SLC12A8: variants seen among roughly 807,000 people sequenced by gnomAD.
SLC12A8 encodes the protein cation-chloride cotransporter 9.
In SLC12A8, 69 loss-of-function variants were observed where a neutral mutation model predicts 75.6. That is an observed-to-expected ratio of 0.91 (90% CI 0.75 to 1.11). SLC12A8 has a LOEUF of 1.11. Among genes scored for constraint, SLC12A8 ranks in the 50% most tolerant of loss-of-function variants. SLC12A8 has a pLI of 0.00. For missense variants in SLC12A8, 877 were observed against 896.7 expected (o/e 0.98, Z 0.28); for synonymous variants, 365 against 372.8 (o/e 0.98, Z 0.24).
intron 9 of SLC12A8, among the ~76,000 whole-genome samples, chr3:125,108,560 G>A (rs1024446542): frequency 6.6e-6 from 1 of 152,036 alleles, no homozygotes; most frequent in African/African-American, 2.4e-5. Context: ...GTAGAGACGT[G>A]GTTTTGCTAT....
intron 8 of SLC12A8, among the ~76,000 whole-genome samples, chr3:125,114,527 C>A (rs1268019615): frequency 6.6e-6 from 1 of 152,162 alleles, no homozygotes; most frequent in Non-Finnish European, 1.5e-5. Context: ...TGGGTTCTAG[C>A]GATTCTCTTG....
intron 6 of SLC12A8, among the ~76,000 whole-genome samples, chr3:125,131,989 C>A (rs1292691175): frequency 6.6e-6 from 1 of 152,176 alleles, no homozygotes; most frequent in East Asian, 1.9e-4. Context: ...ATAGGGTTCC[C>A]AATCTCAGAT....
chr3:125,122,639 T>A (rs894134699), intron 6 of SLC12A8, among the ~76,000 whole-genome samples: 1 of 152,176 alleles, frequency 6.6e-6, no homozygotes, highest in African/African-American at 2.4e-5. Context: ...GGCTGGACGT[T>A]TGCACCCCAA....
rs891984795 is a variant in SLC12A8 at position 125,160,080 on chromosome 3, C to A, written c.622+17663G>T. 1.5e-4 allele frequency among the ~76,000 whole-genome samples: 23 copies of A among 152,280 alleles called. No homozygotes were observed. In the Middle Eastern group the frequency reaches 0.01, roughly 68 times the overall value. On this transcript the variant is annotated intron_variant, in intron 5 of 13. Transcript: ENST00000469902. ...GCCTCAGCCTTCTGAGTACCTGAGA[C>A]AACAGGTGTGCACCACCATGTCCAG...
At chr3:125,127,400 G>C (rs1358746649) in intron 6 of SLC12A8, among the ~76,000 whole-genome samples, 1 of 152,198 alleles carries the variant, frequency 6.6e-6, no homozygotes. Flanking sequence ...AACATTATGT[G>C]TTCTCTCTTT....
intron 6 of SLC12A8, among the ~76,000 whole-genome samples, chr3:125,132,855 C>T (rs1933393928): frequency 6.6e-6 from 1 of 152,104 alleles, no homozygotes; most frequent in South Asian, 2.1e-4. Context: ...CAACATTGGA[C>T]AGGCAGGTGG....
At chr3:125,194,021 G>A (rs945139728) in intron 2 of SLC12A8, among the ~76,000 whole-genome samples, 2 of 152,110 alleles carry the variant, frequency 1.3e-5, no homozygotes, top group African/African-American at 4.8e-5. Context: ...AATGGGCTGG[G>A]GAAAAGGAAT....
intron 6 of SLC12A8, among the ~76,000 whole-genome samples, chr3:125,134,441 T>C (rs1236984272): frequency 6.6e-6 from 1 of 152,206 alleles, no homozygotes; most frequent in Non-Finnish European, 1.5e-5. Flanking sequence ...AGTGGTTTTC[T>C]ATTGTGTGGC....
rs1474455440 is a variant in SLC12A8, at chr3:125,110,458, G to A, written c.913-123C>T. The stretch of plus-strand genomic sequence containing the variant: ...ACTGAGTCGTCTAGATCTGATCCCT[G>A]GGATACAGTTTCCACATCCCCAGCC... On this transcript the variant is annotated intron_variant, in intron 8 of 13. Transcript: ENST00000469902. 9 of 902,112 alleles carry A rather than the reference G, an allele frequency of 1.0e-5. No homozygotes were observed. In the Admixed American group the frequency reaches 1.7e-4, roughly 17 times the overall value. The allele number at this position is 902,112 out of a possible 1,614,324, so 55.9% of individuals were successfully genotyped here.
intron 5 of SLC12A8, among the ~76,000 whole-genome samples, chr3:125,169,486 A>G (rs1294464124): frequency 6.6e-6 from 1 of 152,132 alleles, no homozygotes; most frequent in Admixed American, 6.5e-5. Context: ...AATGAGAGAC[A>G]AGACATAGAG....
At chr3:125,159,869 T>C (rs1469660279) in intron 5 of SLC12A8, among the ~76,000 whole-genome samples, 1 of 152,222 alleles carries the variant, frequency 6.6e-6, no homozygotes, top group East Asian at 1.9e-4. Context: ...TTTGACTCTA[T>C]GAACAGAAAG....
chr3:125,156,464 GT>G (rs1478551744), intron 5 of SLC12A8, among the ~76,000 whole-genome samples: 1 of 152,084 alleles, frequency 6.6e-6, no homozygotes, highest in African/African-American at 2.4e-5. Flanking sequence ...CCTTTTAAAT[GT>G]TTTCATCATT....
chr3:125,165,754 A>G (rs1246037047), intron 5 of SLC12A8, among the ~76,000 whole-genome samples: 1 of 152,140 alleles, frequency 6.6e-6, no homozygotes. Context: ...CTGAATACCT[A>G]TAATAGGCCA....
intron 2 of SLC12A8, among the ~76,000 whole-genome samples, chr3:125,208,824 A>AGAGAGAGAGAGC (rs144988140): frequency 0.14 from 17,474 of 124,996 alleles, 1,967 homozygotes; most frequent in Non-Finnish European, 0.21. Flanking sequence ...AGAGAGAGAG[A>AGAGAGAGAGAGC]GCTACCCTAT....
intron 6 of SLC12A8, chr3:125,125,975 T>C (rs986763562): frequency 1.1e-5 from 11 of 978,758 alleles, no homozygotes; most frequent in African/African-American, 1.8e-5. Flanking sequence ...CAGTGCTGGA[T>C]TGATGGCATT....
chr3:125,122,221 T>G (rs890834506), intron 6 of SLC12A8, among the ~76,000 whole-genome samples: 9 of 152,220 alleles, frequency 5.9e-5, no homozygotes, highest in African/African-American at 2.2e-4. Flanking sequence ...CTGGAACATG[T>G]TTTAAAACAT....
At chr3:125,141,055 G>A (rs758392627) in intron 5 of SLC12A8, among the ~76,000 whole-genome samples, 4 of 152,178 alleles carry the variant, frequency 2.6e-5, no homozygotes, top group East Asian at 1.9e-4. Flanking sequence ...CAGCTGCTGC[G>A]TGTGAATGGA....
intron 10 of SLC12A8, among the ~76,000 whole-genome samples, chr3:125,104,099 A>T (rs959588604): frequency 7.9e-5 from 12 of 152,006 alleles, no homozygotes; most frequent in African/African-American, 2.2e-4. Flanking sequence ...AAAACTTTTT[A>T]AAATTATTTT....
chr3:125,197,873 G>A (rs1171581486), intron 2 of SLC12A8, among the ~76,000 whole-genome samples: 1 of 152,204 alleles, frequency 6.6e-6, no homozygotes, highest in Non-Finnish European at 1.5e-5. Flanking sequence ...ATCAATGGAT[G>A]CTAATGCTAG....
Sources: gnomAD v4.1 joint callset for allele counts (sites outside exome capture counted in the v4.1 genomes callset) on GRCh38, gnomAD v4.1.1 for gene constraint, MANE v1.5 for transcripts, NCBI Gene and HGNC (gene_info 2026-07-23, HGNC 2026-07-21) for gene names.